GLYATL2: variants seen among roughly 807,000 people sequenced by gnomAD.
GLYATL2 encodes glycine N-acyltransferase-like protein 2.
Under a neutral mutation model 21.4 loss-of-function variants are expected in GLYATL2, and 25 were observed. That is an observed-to-expected ratio of 1.17 (90% CI 0.85 to 1.63). The LOEUF is 1.63. GLYATL2 is among the 40% of genes most tolerant of loss of function. The pLI is 0.00. For missense variants in GLYATL2, 361 were observed against 343.3 expected (o/e 1.05, Z -0.41); for synonymous variants, 114 against 118.2 (o/e 0.96, Z 0.23).
intron 1 of GLYATL2, among the ~76,000 whole-genome samples, chr11:58,900,798 G>C (rs1590757679): frequency 5.5e-5 from 8 of 146,740 alleles, no homozygotes; most frequent in Admixed American, 5.3e-4. Context: ...GGGAAGCTTG[G>C]GGGGGTGGTC....
intron 1 of GLYATL2, among the ~76,000 whole-genome samples, chr11:58,872,807 T>C (rs1854149837): frequency 1.3e-5 from 2 of 152,240 alleles, no homozygotes; most frequent in African/African-American, 4.8e-5. Context: ...AGTAGTTTTT[T>C]CCAATTCTGT....
chr11:58,891,648 A>C (rs949190668), intron 1 of GLYATL2, among the ~76,000 whole-genome samples: 1 of 152,194 alleles, frequency 6.6e-6, no homozygotes, highest in Non-Finnish European at 1.5e-5. Flanking sequence ...CTGGTGAAAC[A>C]GTAGGCACTA....
chr11:58,847,431 A>T (rs1187703066), upstream of GLYATL2, among the ~76,000 whole-genome samples: 3 of 152,180 alleles, frequency 2.0e-5, no homozygotes, highest in Non-Finnish European at 2.9e-5. Flanking sequence ...CTTGAACAGC[A>T]TTTCTGGACC....
rs768795131 is a variant in GLYATL2 at position 58,865,234 on chromosome 11, G to A, written n.61-26866C>T. Among the ~76,000 whole-genome samples the A allele has an allele frequency of 1.1e-4, 17 of 148,710 alleles. 1 individual carries two copies. The highest frequency in any genetic ancestry group is 1.5e-5 in the Non-Finnish European group (1 of 67,136). On this transcript the variant is annotated intron_variant and non_coding_transcript_variant, in intron 1 of 4. Transcript: ENST00000533636. ...AGTGTGACTTGTATTTCAGATTTCTGATGGTTACTGAATCTTCCAGATTTT... is the reference window on the plus strand; with the variant it reads ...AGTGTGACTTGTATTTCAGATTTCTAATGGTTACTGAATCTTCCAGATTTT...
chr11:58,903,397 G>C (rs1036830102), intron 1 of GLYATL2, among the ~76,000 whole-genome samples: 1 of 151,996 alleles, frequency 6.6e-6, no homozygotes, highest in Non-Finnish European at 1.5e-5. Context: ...CTCAGGCCTG[G>C]TGCAGTGGCT....
rs550786974 is a variant in GLYATL2 at position 58,842,284 on chromosome 11, A to G, written c.-41+2150T>C. Among the ~76,000 whole-genome samples, 6 of 152,352 alleles carry G rather than the reference A, an allele frequency of 3.9e-5. No homozygotes were observed. The South Asian group carries it at 1.2e-3, about 32-fold the overall frequency. On this transcript the variant is annotated intron_variant, in intron 1 of 5. Transcript: ENST00000287275. ...TCAGAAAAAAAATTAGGATGGATGCAGATGCAGGTGTATGTATGTACGTAT... is the reference window on the plus strand; with the variant it reads ...TCAGAAAAAAAATTAGGATGGATGCGGATGCAGGTGTATGTATGTACGTAT...
intron 1 of GLYATL2, among the ~76,000 whole-genome samples, chr11:58,899,335 G>C (rs1199585353): frequency 2.6e-5 from 4 of 152,028 alleles, no homozygotes; most frequent in Admixed American, 2.0e-4. Flanking sequence ...CAGTCAGTGT[G>C]GGGTGTTAAG....
At chr11:58,837,543 A>G (rs1853461404) in intron 3 of GLYATL2, 146 bp from the exon 4 acceptor site, 6 of 713,426 alleles carry the variant, frequency 8.4e-6, no homozygotes, top group Non-Finnish European at 1.4e-5. Context: ...AGTCACTTCA[A>G]GAATAACTCA....
intron 1 of GLYATL2, among the ~76,000 whole-genome samples, chr11:58,887,092 T>G (rs1205599151): frequency 6.6e-6 from 1 of 152,214 alleles, no homozygotes; most frequent in African/African-American, 2.4e-5. Flanking sequence ...TTCTTTTTAT[T>G]TCAGTAACTT....
chr11:58,893,997 A>G (rs911580492), intron 1 of GLYATL2, among the ~76,000 whole-genome samples: 1 of 152,174 alleles, frequency 6.6e-6, no homozygotes, highest in Non-Finnish European at 1.5e-5. Context: ...GCTACCTTTC[A>G]TCATTGTTAT....
chr11:58,898,285 C>T (rs936413662), intron 1 of GLYATL2, among the ~76,000 whole-genome samples: 4 of 152,134 alleles, frequency 2.6e-5, no homozygotes, highest in African/African-American at 4.8e-5. Flanking sequence ...ATTCTTCTAC[C>T]ATTCATCCCC....
At chr11:58,858,409 A>G (rs1287459686) in intron 1 of GLYATL2, among the ~76,000 whole-genome samples, 1 of 152,120 alleles carries the variant, frequency 6.6e-6, no homozygotes, top group East Asian at 1.9e-4. Flanking sequence ...AATTTAGATA[A>G]TGCTTTGTTA....
intron 1 of GLYATL2, among the ~76,000 whole-genome samples, chr11:58,866,017 T>C (rs908480352): frequency 6.7e-6 from 1 of 148,804 alleles, no homozygotes; most frequent in Non-Finnish European, 1.5e-5. Context: ...CAAGAAAGCA[T>C]GTCCTGTGGA....
upstream of GLYATL2, among the ~76,000 whole-genome samples, chr11:58,848,880 C>T (rs1256673174): frequency 1.3e-5 from 2 of 152,036 alleles, no homozygotes; most frequent in East Asian, 3.9e-4. Context: ...GCAGATTTAA[C>T]CCAAAGACTA....
At chr11:58,842,305 C>G (rs568993252) in intron 1 of GLYATL2, among the ~76,000 whole-genome samples, 1 of 152,102 alleles carries the variant, frequency 6.6e-6, no homozygotes, top group Non-Finnish European at 1.5e-5. Context: ...TATGTATGTA[C>G]GTATACAGCA....
At position 58,844,628 on chromosome 11, in the gene GLYATL2, A is replaced by G. The variant is rs1015826115; in HGVS notation, c.-235T>C. ...ATTAAACCAGACGTTCTGTCCATAG[A>G]CAAGAAATCACAGGCTTTGTAGACC... is the stretch of plus-strand genomic sequence containing the variant. On this transcript the variant is annotated 5_prime_UTR_variant, in exon 1 of 6. Transcript: ENST00000287275. The G allele has an allele frequency of 2.0e-5, 3 of 152,222 alleles. No individual in the cohort carries two copies. Among genetic ancestry groups the G allele is most frequent in the African/African-American group, 7.2e-5 (3 of 41,448 alleles). 9.4% of individuals were successfully genotyped at this position (152,222 alleles called of 1,614,324 possible).
At chr11:58,869,327 T>G (rs1590735133) in intron 1 of GLYATL2, among the ~76,000 whole-genome samples, 1 of 152,334 alleles carries the variant, frequency 6.6e-6, no homozygotes, top group East Asian at 1.9e-4. Context: ...GTGCTGCTGT[T>G]CTAAGCAGGG....
rs760735813 is a variant in GLYATL2, at chr11:58,838,380, C to T, written c.79-12G>A. 3 of 1,505,866 alleles carry T rather than the reference C, an allele frequency of 2.0e-6. No individual in the cohort carries two copies. Among genetic ancestry groups the T allele is most frequent in the Non-Finnish European group, 2.8e-6 (3 of 1,083,184 alleles). The allele number at this position is 1,505,866 out of a possible 1,614,324, so 93.3% of individuals were successfully genotyped here. ...ATGGCGCCATATACCTACGATGCAA[C>T]AGAACAAAGCAGGAGAGGATGAAGT... On this transcript the variant is annotated splice_polypyrimidine_tract_variant and intron_variant, in intron 2 of 5. Transcript: ENST00000287275.
upstream of GLYATL2, chr11:58,905,394 G>C (rs895518328): frequency 6.7e-6 from 3 of 446,228 alleles, no homozygotes; most frequent in Non-Finnish European, 1.4e-5. Flanking sequence ...GATCCCGCCT[G>C]GATGCACGTC....
Sources: gnomAD v4.1 joint callset for allele counts (sites outside exome capture counted in the v4.1 genomes callset) on GRCh38, gnomAD v4.1.1 for gene constraint, MANE v1.5 for transcripts, NCBI Gene and HGNC (gene_info 2026-07-23, HGNC 2026-07-21) for gene names.